The following SMARCA2 variants were observed in gnomAD, a reference collection of about 807,000 sequenced individuals.
SMARCA2 encodes the protein SWI/SNF related BAF chromatin remodeling complex subunit ATPase 2.
A neutral mutation model predicts 199.8 loss-of-function variants in SMARCA2; 61 were observed. The ratio of observed to expected loss-of-function variants is 0.31; its 90% confidence interval spans 0.25 to 0.38. The LOEUF (loss-of-function observed/expected upper bound fraction) is 0.38, where lower values mean the gene tolerates loss of function less well. Ranked by LOEUF, SMARCA2 falls within the 10% of genes least tolerant of loss-of-function variation. The pLI is 1.00. For synonymous variants in SMARCA2, 935 were observed against 732.0 expected (o/e 1.28, Z -4.48); for missense variants, 1,344 against 2,012.2 (o/e 0.67, Z 6.35).
At chr9:2,070,980 T>A (rs1013341369) in intron 10 of SMARCA2, among the ~76,000 whole-genome samples, 1 of 152,244 alleles carries the variant, frequency 6.6e-6, no homozygotes, top group Non-Finnish European at 1.5e-5. Context: ...CATTTCCTAG[T>A]AGTTCCAGTA....
At chr9:2,168,362 C>G (rs1826046794) in intron 28 of SMARCA2, among the ~76,000 whole-genome samples, 1 of 152,170 alleles carries the variant, frequency 6.6e-6, no homozygotes, top group African/African-American at 2.4e-5. Flanking sequence ...ATTTGGTAAA[C>G]TACAAACCTG....
At chr9:2,083,786 C>T (rs1821673538) in intron 16 of SMARCA2, among the ~76,000 whole-genome samples, 1 of 152,260 alleles carries the variant, frequency 6.6e-6, no homozygotes, top group African/African-American at 2.4e-5. Context: ...ACTTTCTCAA[C>T]AGAACTGGAG....
chr9:2,159,646 C>CAATATTA (rs1326230456), intron 27 of SMARCA2: 1 of 717,044 alleles, frequency 1.4e-6, no homozygotes, highest in Non-Finnish European at 2.2e-6. Context: ...AAGTAGTTGT[C>CAATATTA]AATATTAAAA....
intron 7 of SMARCA2, 163 bp from the exon 8 acceptor site, chr9:2,058,128 C>A: frequency 1.5e-6 from 1 of 648,110 alleles, no homozygotes; most frequent in Non-Finnish European, 2.7e-6. Context: ...CCATGGCCCA[C>A]ACCTTAACTG....
At chr9:2,027,258 A>G (rs1818872214) in intron 1 of SMARCA2, among the ~76,000 whole-genome samples, 1 of 151,798 alleles carries the variant, frequency 6.6e-6, no homozygotes, top group Admixed American at 6.6e-5. Flanking sequence ...CCTGGGCAAT[A>G]TAGTGAGACT....
rs56314428 is a variant in SMARCA2 at position 2,145,304 on chromosome 9, CAAAAA to C, written c.3982-16361_3982-16357del. The stretch of plus-strand genomic sequence containing the variant: ...GGTGACAGAGTGAAGACTCTTGTCT[CAAAAA>C]AAAAAAAAAAAAAAAAAAAAGAGAG... On this transcript the variant is annotated intron_variant, in intron 27 of 33. Coordinates refer to ENST00000349721, the MANE Select transcript of SMARCA2 (RefSeq NM_003070.5). Among the ~76,000 whole-genome samples the C allele has an allele frequency of 1.1e-4, 14 of 132,364 alleles. No individual in the cohort carries two copies. In the South Asian group the frequency reaches 3.2e-3, roughly 30 times the overall value. 86.8% of individuals were successfully genotyped at this position (132,364 alleles called of 152,430 possible).
At chr9:2,124,270 C>G (rs1039214985) in intron 27 of SMARCA2, among the ~76,000 whole-genome samples, 2 of 152,204 alleles carry the variant, frequency 1.3e-5, no homozygotes, top group African/African-American at 4.8e-5. Context: ...TCATGCCTCA[C>G]TCTCTCCAAC....
At chr9:2,177,564 T>C (rs1586798082) in intron 29 of SMARCA2, among the ~76,000 whole-genome samples, 1 of 152,168 alleles carries the variant, frequency 6.6e-6, no homozygotes, top group East Asian at 1.9e-4. Context: ...ATTTCTTTTT[T>C]TTTTTGAAAC....
rs140860181 is a variant in SMARCA2, at chr9:2,131,937, C to CA, written c.3981+8015dup. Among the ~76,000 whole-genome samples the CA allele has an allele frequency of 6.4e-3, 580 of 91,056 alleles. 3 individuals carry two copies. Among genetic ancestry groups the CA allele is most frequent in the South Asian group, 0.035 (103 of 2,950 alleles). 59.7% of individuals were successfully genotyped at this position (91,056 alleles called of 152,430 possible). ...CTGGCGACAGAGCAAAACTCCATCT[C>CA]AAAAAAAAAAAAAAAGGAAAAAAAA... On this transcript the variant is annotated intron_variant, in intron 27 of 33. Coordinates refer to ENST00000349721, the MANE Select transcript of SMARCA2 (RefSeq NM_003070.5).
At chr9:2,167,310 G>T (rs372648449) in intron 28 of SMARCA2, among the ~76,000 whole-genome samples, 24 of 152,304 alleles carry the variant, frequency 1.6e-4, no homozygotes, top group African/African-American at 5.3e-4. Flanking sequence ...TCTGAGCATT[G>T]TTCTCATTCC....
chr9:2,136,702 T>C (rs1236423862), intron 27 of SMARCA2, among the ~76,000 whole-genome samples: 2 of 152,096 alleles, frequency 1.3e-5, no homozygotes, highest in Non-Finnish European at 2.9e-5. Context: ...AGAGAGACTA[T>C]TAATAGAGGT....
intron 27 of SMARCA2, among the ~76,000 whole-genome samples, chr9:2,127,217 C>G (rs978429894): frequency 2.6e-5 from 4 of 152,086 alleles, no homozygotes; most frequent in African/African-American, 4.8e-5. Flanking sequence ...AGTTGCCAAC[C>G]TGCCTGCTTT....
chr9:2,147,042 G>GCTT, intron 27 of SMARCA2, among the ~76,000 whole-genome samples: 1 of 152,236 alleles, frequency 6.6e-6, no homozygotes, highest in Non-Finnish European at 1.5e-5. Context: ...GAGTTGCTCT[G>GCTT]CTTCAAACAT....
At chr9:2,049,696 G>A (rs1279790022) in intron 5 of SMARCA2, among the ~76,000 whole-genome samples, 5 of 152,208 alleles carry the variant, frequency 3.3e-5, no homozygotes, top group African/African-American at 1.2e-4. Flanking sequence ...CAGAGCAATA[G>A]CTCTCTTCTG....
intron 4 of SMARCA2, 100 bp from the exon 5 acceptor site, chr9:2,047,129 A>C: frequency 1.1e-6 from 1 of 893,568 alleles, no homozygotes; most frequent in Non-Finnish European, 1.3e-6. Flanking sequence ...AAGACACTTA[A>C]TGGTCCCCAG....
chr9:2,103,657 TGTGTGA>T (rs1303066602), intron 22 of SMARCA2, among the ~76,000 whole-genome samples: 10 of 142,580 alleles, frequency 7.0e-5, no homozygotes, highest in African/African-American at 2.7e-4. Context: ...TGTGTGTGTG[TGTGTGA>T]GAGAGAGAGA....
chr9:2,149,354 C>T (rs1249004453), intron 27 of SMARCA2, among the ~76,000 whole-genome samples: 1 of 150,580 alleles, frequency 6.6e-6, no homozygotes, highest in Admixed American at 6.6e-5. Flanking sequence ...CCCATCTCTA[C>T]AAAAATATAA....
At chr9:2,137,669 T>C (rs1824264144) in intron 27 of SMARCA2, among the ~76,000 whole-genome samples, 2 of 152,236 alleles carry the variant, frequency 1.3e-5, no homozygotes, top group South Asian at 4.1e-4. Context: ...ACTGTTCCTC[T>C]CCACTGGTAT....
chr9:2,021,095 G>A (rs1398979239), intron 1 of SMARCA2, among the ~76,000 whole-genome samples: 2 of 152,068 alleles, frequency 1.3e-5, no homozygotes, highest in Non-Finnish European at 2.9e-5. Context: ...GTATTTTTAG[G>A]TGGATTAGTA....
Sources: allele counts gnomAD v4.1 joint callset (sites outside exome capture counted in the v4.1 genomes callset), GRCh38; gene constraint gnomAD v4.1.1; transcripts MANE v1.5; gene names NCBI Gene and HGNC (gene_info 2026-07-23, HGNC 2026-07-21).